SIDT1: variants seen among roughly 807,000 people sequenced by gnomAD.
The protein encoded by SIDT1 is SID1 transmembrane family, member 1.
Under a neutral mutation model 107.5 loss-of-function variants are expected in SIDT1, and 101 were observed. That is an observed-to-expected ratio of 0.94 (90% CI 0.80 to 1.11). The LOEUF is 1.11. Among genes scored for constraint, SIDT1 ranks in the 50% least tolerant of loss-of-function variants. SIDT1 has a pLI of 0.00. For missense variants in SIDT1, 1,076 were observed against 1,058.2 expected (o/e 1.02, Z -0.23); for synonymous variants, 395 against 398.2 (o/e 0.99, Z 0.10).
chr3:113,618,721 A>C (rs1174916645), intron 20 of SIDT1, among the ~76,000 whole-genome samples: 2 of 152,258 alleles, frequency 1.3e-5, no homozygotes, highest in Non-Finnish European at 2.9e-5. Flanking sequence ...TGGTTATGCA[A>C]ATTAAAGTAT....
rs568782871 is a variant in SIDT1, at chr3:113,538,436, A to C, written c.222+5193A>C. Among the ~76,000 whole-genome samples the C allele has an allele frequency of 2.2e-4, 33 of 152,342 alleles. No individual in the cohort carries two copies. The East Asian group carries it at 6.4e-3, about 29-fold the overall frequency. ...CTGTCCAGTGGCTATTGAGAACTTG[A>C]AATGTGACTAGTCTGAATGGAAATG... On this transcript the variant is annotated intron_variant, in intron 1 of 24. Transcript: ENST00000264852.
intron 3 of SIDT1, among the ~76,000 whole-genome samples, chr3:113,571,118 T>C (rs946581943): frequency 1.3e-5 from 2 of 152,088 alleles, no homozygotes; most frequent in East Asian, 1.9e-4. Context: ...CCATGAAACA[T>C]TTATTTAAAT....
At chr3:113,572,706 C>T (rs1417327995) in intron 3 of SIDT1, among the ~76,000 whole-genome samples, 2 of 152,218 alleles carry the variant, frequency 1.3e-5, no homozygotes, top group African/African-American at 4.8e-5. Flanking sequence ...TCAAATAGTA[C>T]ACATGGAGAT....
At chr3:113,622,438 T>G (rs1288713694) in intron 21 of SIDT1, among the ~76,000 whole-genome samples, 2 of 119,656 alleles carry the variant, frequency 1.7e-5, no homozygotes, top group South Asian at 2.6e-4. Context: ...CACTCCAGCC[T>G]GGGCAACACA....
intron 14 of SIDT1, among the ~76,000 whole-genome samples, chr3:113,606,257 C>T (rs1329538764): frequency 6.6e-6 from 1 of 152,128 alleles, no homozygotes; most frequent in African/African-American, 2.4e-5. Flanking sequence ...TGCAGTGGCC[C>T]TCAGACTTTG....
At chr3:113,589,463 A>G (rs1004769576) in intron 9 of SIDT1, among the ~76,000 whole-genome samples, 2 of 152,162 alleles carry the variant, frequency 1.3e-5, no homozygotes, top group African/African-American at 4.8e-5. Flanking sequence ...AAAATTATTA[A>G]AAAGGAACTT....
At chr3:113,565,595 T>C (rs182718535) in intron 1 of SIDT1, among the ~76,000 whole-genome samples, 17 of 152,328 alleles carry the variant, frequency 1.1e-4, no homozygotes, top group African/African-American at 3.8e-4. Flanking sequence ...ACATTCACTT[T>C]CCTGTCTTTA....
intron 18 of SIDT1, among the ~76,000 whole-genome samples, chr3:113,611,527 T>C (rs573250560): frequency 6.6e-6 from 1 of 152,194 alleles, no homozygotes; most frequent in Admixed American, 6.5e-5. Flanking sequence ...TTCACCATGT[T>C]GGCCAGACTG....
intron 21 of SIDT1, 114 bp from the exon 22 acceptor site, chr3:113,623,313 T>A: frequency 1.8e-6 from 1 of 544,748 alleles, no homozygotes; most frequent in Non-Finnish European, 3.2e-6. Context: ...AAAATAAAAG[T>A]TAAAAAAAAA....
chr3:113,578,661 A>T (rs1433069350), intron 4 of SIDT1, among the ~76,000 whole-genome samples: 1 of 151,974 alleles, frequency 6.6e-6, no homozygotes, highest in East Asian at 1.9e-4. Context: ...CAGCCTGGGC[A>T]ACATAGCAAG....
intron 3 of SIDT1, among the ~76,000 whole-genome samples, chr3:113,572,994 T>C (rs200742316): frequency 6.8e-6 from 1 of 146,998 alleles, no homozygotes; most frequent in African/African-American, 2.5e-5. Context: ...AGATTTACAT[T>C]CCTTTTTTTT....
intron 9 of SIDT1, among the ~76,000 whole-genome samples, chr3:113,586,774 G>A (rs1239989077): frequency 6.6e-6 from 1 of 152,184 alleles, no homozygotes; most frequent in Non-Finnish European, 1.5e-5. Context: ...CACTTTTGTA[G>A]CATTCCAGAA....
chr3:113,533,702 T>C (rs1937750402), intron 1 of SIDT1, among the ~76,000 whole-genome samples: 1 of 152,132 alleles, frequency 6.6e-6, no homozygotes, highest in Admixed American at 6.5e-5. Context: ...CTGCTCAGAA[T>C]CTAAAATGGA....
chr3:113,604,242 A>C (rs1945165623), intron 13 of SIDT1, among the ~76,000 whole-genome samples: 2 of 152,178 alleles, frequency 1.3e-5, no homozygotes, highest in Admixed American at 6.5e-5. Context: ...GCCTTGCAAG[A>C]AATCTTCTCT....
chr3:113,586,180 G>A (rs985548199), intron 9 of SIDT1, among the ~76,000 whole-genome samples: 1 of 152,162 alleles, frequency 6.6e-6, no homozygotes, highest in Non-Finnish European at 1.5e-5. Context: ...TTTGAGTTCA[G>A]ATATTGCCTT....
intron 1 of SIDT1, among the ~76,000 whole-genome samples, chr3:113,536,450 T>C (rs1030534448): frequency 6.6e-6 from 1 of 152,134 alleles, no homozygotes; most frequent in African/African-American, 2.4e-5. Context: ...GGGAAAAAAA[T>C]GGCTAGTTTT....
At chr3:113,560,242 T>G (rs1182426943) in intron 1 of SIDT1, among the ~76,000 whole-genome samples, 2 of 152,168 alleles carry the variant, frequency 1.3e-5, no homozygotes, top group African/African-American at 4.8e-5. Flanking sequence ...GAGCCCAACT[T>G]GTAGGAAGCC....
chr3:113,539,579 A>G (rs747542829), intron 1 of SIDT1, among the ~76,000 whole-genome samples: 6 of 152,226 alleles, frequency 3.9e-5, no homozygotes, highest in Non-Finnish European at 7.4e-5. Context: ...ATGACTTCCA[A>G]TTCAAATTCA....
chr3:113,597,083 T>C (rs1944614050), intron 10 of SIDT1, among the ~76,000 whole-genome samples: 1 of 152,246 alleles, frequency 6.6e-6, no homozygotes, highest in Admixed American at 6.5e-5. Flanking sequence ...GTCCAGCTTT[T>C]TCTTCTAGAG....
Sources: allele counts gnomAD v4.1 joint callset (sites outside exome capture counted in the v4.1 genomes callset), GRCh38; gene constraint gnomAD v4.1.1; transcripts MANE v1.5; gene names NCBI Gene and HGNC (gene_info 2026-07-23, HGNC 2026-07-21).